Variants in LRRTM4 observed in about 807,000 individuals in gnomAD.
LRRTM4 encodes leucine-rich repeat transmembrane neuronal protein 4.
A neutral mutation model predicts 47.6 loss-of-function variants in LRRTM4; 25 were observed. The ratio of observed to expected loss-of-function variants is 0.53; its 90% confidence interval spans 0.38 to 0.73. The LOEUF is 0.73. Among genes scored for constraint, LRRTM4 ranks in the 30% least tolerant of loss-of-function variants. The pLI is 0.00. For synonymous variants in LRRTM4, 311 were observed against 269.5 expected, an observed-to-expected ratio of 1.15 and a Z score of -1.51; for missense variants, 638 against 713.4, an observed-to-expected ratio of 0.89 and a Z score of 1.20.
chr2:77,481,015 A>C (rs1045559275), intron 3 of LRRTM4, among the ~76,000 whole-genome samples: 1 of 152,194 alleles, frequency 6.6e-6, no homozygotes, highest in Non-Finnish European at 1.5e-5. Context: ...GATATGATCT[A>C]TACAGAAATA....
intron 3 of LRRTM4, among the ~76,000 whole-genome samples, chr2:77,411,816 C>T (rs1249507494): frequency 6.6e-6 from 1 of 151,742 alleles, no homozygotes; most frequent in East Asian, 1.9e-4. Context: ...ATCAACACAC[C>T]AATGTGTTCA....
chr2:77,182,568 G>T (rs1187807809), intron 3 of LRRTM4, among the ~76,000 whole-genome samples: 21 of 151,964 alleles, frequency 1.4e-4, no homozygotes, highest in Non-Finnish European at 1.5e-5. Context: ...AAACATAATA[G>T]CTTAAGGAGA....
intron 3 of LRRTM4, among the ~76,000 whole-genome samples, chr2:77,294,235 C>T (rs1331013853): frequency 4.0e-5 from 6 of 151,778 alleles, no homozygotes; most frequent in Admixed American, 2.6e-4. Context: ...ATCAACTATT[C>T]GATCAATAGT....
intron 3 of LRRTM4, among the ~76,000 whole-genome samples, chr2:77,218,511 T>C (rs1334590048): frequency 5.4e-5 from 8 of 147,310 alleles, no homozygotes; most frequent in African/African-American, 2.0e-4. Flanking sequence ...GCTTTATTTA[T>C]TTATTTATTT....
intron 3 of LRRTM4, among the ~76,000 whole-genome samples, chr2:77,262,505 A>ATGTT (rs146120885): frequency 6.7e-5 from 10 of 148,534 alleles, no homozygotes; most frequent in African/African-American, 2.5e-4. Flanking sequence ...TTTTTACCTA[A>ATGTT]TTTTTTTTTT....
At position 77,049,170 on chromosome 2, in the gene LRRTM4, ACAC is replaced by A. The variant is rs1324929034; in HGVS notation, c.1552-300257_1552-300255del. ...TATATATATATATACACACACACAC[ACAC>A]CACATTTTCTTTATCCATTCATCTA... On this transcript the variant is annotated intron_variant, in intron 3 of 3. Coordinates refer to ENST00000409884, the MANE Select transcript of LRRTM4 (RefSeq NM_001134745.3). Among the ~76,000 whole-genome samples the A allele has an allele frequency of 3.3e-4, 48 of 144,216 alleles. No homozygotes were observed. In the South Asian group the frequency reaches 3.5e-3, roughly 10 times the overall value. 94.6% of individuals were successfully genotyped at this position (144,216 alleles called of 152,430 possible). A position where few individuals can be genotyped will look rare whatever the true frequency, so the allele number is the denominator to read the frequency against.
intron 3 of LRRTM4, among the ~76,000 whole-genome samples, chr2:77,312,336 G>C (rs568721430): frequency 6.6e-6 from 1 of 152,020 alleles, no homozygotes; most frequent in Non-Finnish European, 1.5e-5. Flanking sequence ...ACTGAAAAAT[G>C]CTGCTATTGA....
At chr2:76,779,227 T>G (rs1674208119) in intron 3 of LRRTM4, among the ~76,000 whole-genome samples, 1 of 151,980 alleles carries the variant, frequency 6.6e-6, no homozygotes, top group South Asian at 2.1e-4. Context: ...CTGAAAAAAA[T>G]GTATATTGTG....
At chr2:77,195,798 T>A (rs560322197) in intron 3 of LRRTM4, among the ~76,000 whole-genome samples, 1 of 152,228 alleles carries the variant, frequency 6.6e-6, no homozygotes, top group Admixed American at 6.5e-5. Context: ...CCATATAGAA[T>A]GTGAAATTCT....
At chr2:77,516,145 A>G (rs1206229725) in intron 3 of LRRTM4, among the ~76,000 whole-genome samples, 3 of 151,888 alleles carry the variant, frequency 2.0e-5, no homozygotes, top group Non-Finnish European at 4.4e-5. Flanking sequence ...TTTTGACTCA[A>G]CAGAATTATT....
chr2:77,034,360 G>A (rs1490328148), intron 3 of LRRTM4, among the ~76,000 whole-genome samples: 1 of 151,794 alleles, frequency 6.6e-6, no homozygotes, highest in African/African-American at 2.4e-5. Flanking sequence ...AGATTAAATT[G>A]CTCTTTTGAC....
chr2:76,823,710 T>C (rs1302151377), intron 3 of LRRTM4, among the ~76,000 whole-genome samples: 1 of 151,278 alleles, frequency 6.6e-6, no homozygotes, highest in Non-Finnish European at 1.5e-5. Flanking sequence ...AATAAAAGCA[T>C]AAGAGAGGGG....
At chr2:76,905,925 G>A (rs1421450506) in intron 3 of LRRTM4, among the ~76,000 whole-genome samples, 1 of 151,010 alleles carries the variant, frequency 6.6e-6, no homozygotes, top group African/African-American at 2.4e-5. Flanking sequence ...ACACTCTGCA[G>A]GATATTATCC....
intron 3 of LRRTM4, among the ~76,000 whole-genome samples, chr2:76,956,631 T>C (rs1161785631): frequency 6.7e-6 from 1 of 150,320 alleles, no homozygotes; most frequent in African/African-American, 2.4e-5. Context: ...AAATAGAGAA[T>C]AGAAAAATTA....
chr2:77,263,168 G>A (rs1282599178), intron 3 of LRRTM4, among the ~76,000 whole-genome samples: 1 of 152,052 alleles, frequency 6.6e-6, no homozygotes, highest in African/African-American at 2.4e-5. Context: ...GAGAGCTTCT[G>A]GGTTGCTGAA....
chr2:77,055,705 A>G (rs1423254638), intron 3 of LRRTM4, among the ~76,000 whole-genome samples: 2 of 151,970 alleles, frequency 1.3e-5, no homozygotes, highest in African/African-American at 4.8e-5. Flanking sequence ...TACCCAAAGG[A>G]CTATAAATCA....
chr2:76,852,754 A>G (rs545207614), intron 3 of LRRTM4, among the ~76,000 whole-genome samples: 90 of 152,200 alleles, frequency 5.9e-4, no homozygotes, highest in African/African-American at 2.0e-3. Context: ...ATATACAAAC[A>G]CTCGAAACAA....
chr2:77,064,624 T>C (rs1679895163), intron 3 of LRRTM4, among the ~76,000 whole-genome samples: 1 of 152,214 alleles, frequency 6.6e-6, no homozygotes, highest in Admixed American at 6.5e-5. Flanking sequence ...CAGGCAAGTT[T>C]CCACTCCAGC....
intron 3 of LRRTM4, among the ~76,000 whole-genome samples, chr2:77,075,020 C>T (rs1480680071): frequency 6.6e-6 from 1 of 151,972 alleles, no homozygotes; most frequent in African/African-American, 2.4e-5. Flanking sequence ...AATTTAAAAC[C>T]AAAACTGTCT....
Sources: allele counts gnomAD v4.1 joint callset (sites outside exome capture counted in the v4.1 genomes callset), GRCh38; gene constraint gnomAD v4.1.1; transcripts MANE v1.5; gene names NCBI Gene and HGNC (gene_info 2026-07-23, HGNC 2026-07-21).